The following KCND2 variants were observed in gnomAD, a reference collection of about 807,000 sequenced individuals.
The protein encoded by KCND2 is A-type voltage-gated potassium channel KCND2.
KCND2 carries 16 observed loss-of-function variants against 54.4 expected under a neutral mutation model. The observed-to-expected ratio is 0.29, with a 90% CI of 0.20 to 0.45. The LOEUF is 0.45. Among genes scored for constraint, KCND2 ranks in the 20% least tolerant of loss-of-function variants. KCND2 has a pLI of 1.00. For missense variants in KCND2, 486 were observed against 824.2 expected, an observed-to-expected ratio of 0.59 and a Z score of 5.02; for synonymous variants, 317 against 310.7, an observed-to-expected ratio of 1.02 and a Z score of -0.21.
chr7:120,627,197 G>A (rs532577628), intron 1 of KCND2, among the ~76,000 whole-genome samples: 36 of 136,534 alleles, frequency 2.6e-4, no homozygotes, highest in Middle Eastern at 3.4e-3. Context: ...TGTGCTCGTC[G>A]TGAGAATACA....
chr7:120,289,077 C>CAG (rs112703117), intron 1 of KCND2, among the ~76,000 whole-genome samples: 26 of 20,950 alleles, frequency 1.2e-3, no homozygotes, highest in Middle Eastern at 0.042. Flanking sequence ...CACACACACA[C>CAG]AGAGAGAGAG....
intron 1 of KCND2, among the ~76,000 whole-genome samples, chr7:120,622,195 A>C (rs575745409): frequency 1.3e-5 from 2 of 152,284 alleles, no homozygotes; most frequent in Admixed American, 1.3e-4. Flanking sequence ...GCGGGATTTT[A>C]ATCAAGTTAG....
At chr7:120,697,993 G>A (rs1195617627) in intron 1 of KCND2, among the ~76,000 whole-genome samples, 2 of 150,142 alleles carry the variant, frequency 1.3e-5, no homozygotes, top group Admixed American at 1.3e-4. Context: ...CATATTTTAG[G>A]GAAGCATATT....
intron 1 of KCND2, among the ~76,000 whole-genome samples, chr7:120,482,663 C>T (rs1802623241): frequency 6.6e-6 from 1 of 152,114 alleles, no homozygotes; most frequent in Non-Finnish European, 1.5e-5. Flanking sequence ...GCGCTTGCTT[C>T]TTCCTCTCAC....
intron 1 of KCND2, among the ~76,000 whole-genome samples, chr7:120,683,969 C>CTCTTT (rs1252455884): frequency 5.3e-5 from 8 of 152,098 alleles, no homozygotes; most frequent in African/African-American, 1.4e-4. Context: ...CTTGTTCTTT[C>CTCTTT]TCTTTTCTTT....
At chr7:120,421,070 G>A (rs1801613517) in intron 1 of KCND2, among the ~76,000 whole-genome samples, 1 of 152,178 alleles carries the variant, frequency 6.6e-6, no homozygotes, top group Admixed American at 6.5e-5. Flanking sequence ...TAACGGTAAT[G>A]ATTATGTCAC....
chr7:120,506,650 A>C (rs1803024555), intron 1 of KCND2, among the ~76,000 whole-genome samples: 2 of 151,928 alleles, frequency 1.3e-5, no homozygotes, highest in South Asian at 4.1e-4. Context: ...GAAAATATTT[A>C]AAGCTGTCAA....
intron 1 of KCND2, among the ~76,000 whole-genome samples, chr7:120,584,636 T>A (rs918389924): frequency 1.3e-5 from 2 of 152,196 alleles, no homozygotes; most frequent in Non-Finnish European, 2.9e-5. Context: ...CACAGAAGCA[T>A]AATGGGACTC....
intron 1 of KCND2, among the ~76,000 whole-genome samples, chr7:120,704,020 G>A (rs544783280): frequency 7.4e-4 from 112 of 152,254 alleles, no homozygotes; most frequent in African/African-American, 2.4e-3. Context: ...TGGCTAACTC[G>A]TAGTGAGCTT....
intron 4 of KCND2, among the ~76,000 whole-genome samples, chr7:120,743,505 T>C (rs1792966887): frequency 6.6e-6 from 1 of 152,160 alleles, no homozygotes; most frequent in South Asian, 2.1e-4. Context: ...ACAGGGCTGT[T>C]ACTGGAAAAG....
At chr7:120,536,124 G>A (rs1246511785) in intron 1 of KCND2, among the ~76,000 whole-genome samples, 1 of 152,106 alleles carries the variant, frequency 6.6e-6, no homozygotes, top group Non-Finnish European at 1.5e-5. Flanking sequence ...TCTGAATAAA[G>A]CAAGTCACGC....
chr7:120,472,014 C>A (rs1802460928), intron 1 of KCND2, among the ~76,000 whole-genome samples: 1 of 151,650 alleles, frequency 6.6e-6, no homozygotes, highest in African/African-American at 2.4e-5. Context: ...CTGTTATTAT[C>A]TCCATTTTAG....
intron 1 of KCND2, among the ~76,000 whole-genome samples, chr7:120,394,469 C>T (rs547130999): frequency 6.6e-6 from 1 of 152,070 alleles, no homozygotes; most frequent in East Asian, 1.9e-4. Context: ...ACTCACGAAT[C>T]TTGTGACCTC....
chr7:120,455,786 A>G (rs774908027), intron 1 of KCND2, among the ~76,000 whole-genome samples: 1 of 152,154 alleles, frequency 6.6e-6, no homozygotes, highest in African/African-American at 2.4e-5. Context: ...TAAAGACTGA[A>G]TACTTATGGA....
intron 1 of KCND2, among the ~76,000 whole-genome samples, chr7:120,335,445 T>G (rs1800134055): frequency 1.5e-5 from 2 of 134,788 alleles, no homozygotes; most frequent in African/African-American, 3.3e-5. Flanking sequence ...CTTTATTTAT[T>G]TATTTATTTA....
intron 1 of KCND2, among the ~76,000 whole-genome samples, chr7:120,563,933 A>G (rs1051373196): frequency 2.6e-5 from 4 of 152,192 alleles, no homozygotes; most frequent in African/African-American, 9.7e-5. Flanking sequence ...TTATAAAACT[A>G]TGCTGAAATT....
rs920131017 is a variant in KCND2 at position 120,464,608 on chromosome 7, G to A, written c.1115+188861G>A. Among the ~76,000 whole-genome samples the A allele has an allele frequency of 5.9e-5, 9 of 152,144 alleles. No homozygotes were observed. The South Asian group carries it at 1.9e-3, about 32-fold the overall frequency. On this transcript the variant is annotated intron_variant, in intron 1 of 5. Coordinates refer to ENST00000331113, the MANE Select transcript of KCND2 (RefSeq NM_012281.3). ...GATTTGACTGGGTTTTCTGTTCTGG[G>A]TCTCAGAAAGCTAACAAAAATTTTG...
chr7:120,472,689 G>A (rs1314828341), intron 1 of KCND2, among the ~76,000 whole-genome samples: 1 of 151,944 alleles, frequency 6.6e-6, no homozygotes, highest in Non-Finnish European at 1.5e-5. Context: ...CTCAAGCTTT[G>A]CAACAGACTA....
At chr7:120,445,929 A>G (rs1293769176) in intron 1 of KCND2, among the ~76,000 whole-genome samples, 4 of 152,242 alleles carry the variant, frequency 2.6e-5, no homozygotes, top group Non-Finnish European at 5.9e-5. Context: ...CAGCTTTTCA[A>G]TCAAGCTGCT....
Sources: gnomAD v4.1 joint callset for allele counts (sites outside exome capture counted in the v4.1 genomes callset) on GRCh38, gnomAD v4.1.1 for gene constraint, MANE v1.5 for transcripts, NCBI Gene and HGNC (gene_info 2026-07-23, HGNC 2026-07-21) for gene names.